BBX: variants seen among roughly 807,000 people sequenced by gnomAD.
BBX encodes the protein HMG box transcription factor BBX.
A neutral mutation model predicts 100.2 loss-of-function variants in BBX; 30 were observed. That is an observed-to-expected ratio of 0.30 (90% CI 0.22 to 0.41). The LOEUF is 0.41. BBX is among the 10% of genes least tolerant of loss of function. BBX has a pLI of 1.00. For synonymous variants in BBX, 376 were observed against 388.1 expected, an observed-to-expected ratio of 0.97 and a Z score of 0.37; for missense variants, 1,023 against 1,129.8, an observed-to-expected ratio of 0.91 and a Z score of 1.35.
chr3:107,551,451 A>G (rs866709930), intron 2 of BBX, among the ~76,000 whole-genome samples: 7 of 152,248 alleles, frequency 4.6e-5, no homozygotes, highest in African/African-American at 1.7e-4. Flanking sequence ...TGTTAATACA[A>G]TGCATTTTTG....
chr3:107,738,655 G>A (rs2063837086), intron 7 of BBX, among the ~76,000 whole-genome samples: 1 of 152,164 alleles, frequency 6.6e-6, no homozygotes, highest in Non-Finnish European at 1.5e-5. Context: ...GCAGCACGCA[G>A]GGGCCTTGGT....
At chr3:107,664,138 G>A (rs1281215904) in intron 3 of BBX, among the ~76,000 whole-genome samples, 1 of 151,862 alleles carries the variant, frequency 6.6e-6, no homozygotes, top group Non-Finnish European at 1.5e-5. Flanking sequence ...TTTTATTTTT[G>A]TCATTGGAAA....
intron 2 of BBX, among the ~76,000 whole-genome samples, chr3:107,551,344 T>G: frequency 6.6e-6 from 1 of 152,244 alleles, no homozygotes; most frequent in East Asian, 1.9e-4. Flanking sequence ...AAATTCTTTA[T>G]GATCATCAGT....
intron 5 of BBX, among the ~76,000 whole-genome samples, chr3:107,721,780 A>G (rs1345575532): frequency 6.6e-6 from 1 of 151,868 alleles, no homozygotes; most frequent in African/African-American, 2.4e-5. Context: ...CCCTTCTCAT[A>G]CTGTTTTGAA....
intron 2 of BBX, among the ~76,000 whole-genome samples, chr3:107,587,363 A>AG (rs1411699190): frequency 6.6e-6 from 1 of 151,100 alleles, no homozygotes; most frequent in Non-Finnish European, 1.5e-5. Context: ...AAAAAAAAAA[A>AG]GGAGTGAAAT....
chr3:107,566,626 G>T (rs2050940281), intron 2 of BBX, among the ~76,000 whole-genome samples: 2 of 148,234 alleles, frequency 1.3e-5, no homozygotes, highest in African/African-American at 5.0e-5. Flanking sequence ...TGGTTTTGTT[G>T]TTGGGTTTTC....
In BBX at chr3:107,673,146, A is replaced by G. The variant is rs374901425; in HGVS notation, c.-10+27237A>G. 7.9e-5 allele frequency among the ~76,000 whole-genome samples: 12 copies of G among 152,108 alleles called. No individual in the cohort carries two copies. In the East Asian group the frequency reaches 2.1e-3, roughly 27 times the overall value. On this transcript the variant is annotated intron_variant, in intron 3 of 17. Coordinates refer to ENST00000325805, the MANE Select transcript of BBX (RefSeq NM_001142568.3). Reference sequence around the variant, plus strand: ...CCAAAATGAATAGAAGATTATTCCTAAATCAAGTTAGATGAAGTTAATAAG... The same window carrying G: ...CCAAAATGAATAGAAGATTATTCCTGAATCAAGTTAGATGAAGTTAATAAG...
At chr3:107,749,728 G>T (rs2064919449) in intron 9 of BBX, among the ~76,000 whole-genome samples, 1 of 151,572 alleles carries the variant, frequency 6.6e-6, no homozygotes, top group Non-Finnish European at 1.5e-5. Context: ...CCACCTCCCA[G>T]GTTCAAGCGA....
intron 3 of BBX, among the ~76,000 whole-genome samples, chr3:107,709,522 TG>T (rs1289640028): frequency 1.3e-5 from 2 of 152,064 alleles, no homozygotes; most frequent in Non-Finnish European, 2.9e-5. Flanking sequence ...TCAGCATTCA[TG>T]AACCATTTAA....
At chr3:107,703,100 A>G (rs1030343987) in intron 3 of BBX, among the ~76,000 whole-genome samples, 2 of 152,200 alleles carry the variant, frequency 1.3e-5, no homozygotes, top group African/African-American at 2.4e-5. Context: ...TGTCAATGTG[A>G]TCATTATGTC....
rs138661124 is a variant in BBX at position 107,718,541 on chromosome 3, C to T, written c.405+1692C>T. Among the ~76,000 whole-genome samples the T allele has an allele frequency of 2.5e-3, 375 of 151,878 alleles. 2 individuals carry two copies. The highest frequency in any genetic ancestry group is 8.5e-3 in the African/African-American group (352 of 41,496). ...TAGTAAAATAAATAATTATCTGAAA[C>T]CTCATAGGGAAATGCATAAGCTTCC... On this transcript the variant is annotated intron_variant, in intron 5 of 17. Coordinates refer to ENST00000325805, the MANE Select transcript of BBX (RefSeq NM_001142568.3).
chr3:107,755,718 G>A (rs780232853), intron 10 of BBX, 40 bp downstream of exon 10: 42 of 1,522,226 alleles, frequency 2.8e-5, no homozygotes, highest in African/African-American at 1.4e-5. Context: ...ATCTGCAGAG[G>A]TGGAAATTAC....
chr3:107,741,154 C>T (rs957793481), intron 7 of BBX, among the ~76,000 whole-genome samples: 3 of 151,708 alleles, frequency 2.0e-5, no homozygotes, highest in Admixed American at 6.6e-5. Flanking sequence ...GTGTTCATGC[C>T]GGCAGTGCAT....
chr3:107,752,129 C>T (rs2065124814), intron 9 of BBX, among the ~76,000 whole-genome samples: 1 of 152,158 alleles, frequency 6.6e-6, no homozygotes, highest in Non-Finnish European at 1.5e-5. Context: ...GAAGACACAG[C>T]TAATCTGGGT....
intron 2 of BBX, among the ~76,000 whole-genome samples, chr3:107,538,916 G>A (rs1479735364): frequency 2.0e-5 from 3 of 151,790 alleles, no homozygotes; most frequent in Non-Finnish European, 4.4e-5. Flanking sequence ...TCCAAGCTGG[G>A]ACCACAGGAA....
chr3:107,687,376 C>T (rs964490305), intron 3 of BBX, among the ~76,000 whole-genome samples: 11 of 151,382 alleles, frequency 7.3e-5, no homozygotes, highest in Non-Finnish European at 1.2e-4. Flanking sequence ...TGTGAAGGCC[C>T]GCATAGCTGA....
chr3:107,627,232 C>T (rs2056245985), intron 2 of BBX, among the ~76,000 whole-genome samples: 1 of 152,160 alleles, frequency 6.6e-6, no homozygotes, highest in Admixed American at 6.5e-5. Context: ...GCTTCTAGAA[C>T]CTAGTAGGTG....
chr3:107,743,749 T>A, intron 7 of BBX, among the ~76,000 whole-genome samples: 1 of 152,174 alleles, frequency 6.6e-6, no homozygotes, highest in East Asian at 1.9e-4. Flanking sequence ...GACTTAGTGA[T>A]GCAGAAAAAT....
chr3:107,524,806 G>GT (rs1471370092), intron 1 of BBX, among the ~76,000 whole-genome samples: 1 of 146,714 alleles, frequency 6.8e-6, no homozygotes, highest in Non-Finnish European at 1.5e-5. Context: ...TGGAGGTGGG[G>GT]GGGGGGGCGA....
Sources: allele counts gnomAD v4.1 joint callset (sites outside exome capture counted in the v4.1 genomes callset), GRCh38; gene constraint gnomAD v4.1.1; transcripts MANE v1.5; gene names NCBI Gene and HGNC (gene_info 2026-07-23, HGNC 2026-07-21).